TEK: variants seen among roughly 807,000 people sequenced by gnomAD.
TEK encodes TEK receptor tyrosine kinase, also known as angiopoietin-1 receptor.
TEK carries 43 observed loss-of-function variants against 131.8 expected under a neutral mutation model. That is an observed-to-expected ratio of 0.33 (90% CI 0.26 to 0.42). TEK has a LOEUF of 0.42. Ranked by LOEUF, TEK falls within the 10% of genes least tolerant of loss-of-function variation. TEK has a pLI of 1.00. For synonymous variants in TEK, 580 were observed against 491.6 expected (o/e 1.18, Z -2.38); for missense variants, 1,162 against 1,384.4 (o/e 0.84, Z 2.55).
At chr9:27,146,511 T>C (rs1164884012) in intron 1 of TEK, among the ~76,000 whole-genome samples, 1 of 152,174 alleles carries the variant, frequency 6.6e-6, no homozygotes, top group East Asian at 1.9e-4. Flanking sequence ...GAATGTCATA[T>C]AAATGCAGTC....
rs554894296 is a variant in TEK at position 27,216,548 on chromosome 9, G to GTGTGGA, written c.2992-1133_2992-1128dup. 3.5e-4 allele frequency among the ~76,000 whole-genome samples: 53 copies of GTGTGGA among 151,988 alleles called. 1 individual carries two copies. In the South Asian group the frequency reaches 0.011, roughly 30 times the overall value. The stretch of plus-strand genomic sequence containing the variant: ...TGTGGACAGAGAGTGAAGGGAGGAG[G>GTGTGGA]TGTGGATGTGGAGGAGAACAATAAA... On this transcript the variant is annotated intron_variant, in intron 18 of 22. Coordinates refer to ENST00000380036, the MANE Select transcript of TEK (RefSeq NM_000459.5).
intron 1 of TEK, among the ~76,000 whole-genome samples, chr9:27,134,101 G>A (rs1015193051): frequency 1.3e-5 from 2 of 152,196 alleles, no homozygotes; most frequent in Admixed American, 6.5e-5. Context: ...TGCTTAGATC[G>A]AAGGTTTGAG....
Position 27,229,506 on chromosome 9 carries a change from C to G in TEK, c.*274C>G, listed in dbSNP as rs550266700. 10 of 473,688 alleles carry G rather than the reference C, an allele frequency of 2.1e-5. No homozygotes were observed. Among genetic ancestry groups the G allele is most frequent in the Non-Finnish European group, 3.5e-5 (9 of 260,398 alleles). 29.3% of individuals were successfully genotyped at this position (473,688 alleles called of 1,614,324 possible). On this transcript the variant is annotated 3_prime_UTR_variant, in exon 23 of 23. Coordinates refer to ENST00000380036, the MANE Select transcript of TEK (RefSeq NM_000459.5). ...TAATATATTTTTTTAAAAATGTGGACTTCATAGGAAGGCGTGAGTACAATT... is the reference window on the plus strand; with the variant it reads ...TAATATATTTTTTTAAAAATGTGGAGTTCATAGGAAGGCGTGAGTACAATT...
chr9:27,217,900 G>C (rs551938025), intron 19 of TEK, 142 bp downstream of exon 19: 2 of 795,324 alleles, frequency 2.5e-6, no homozygotes. Context: ...TAAATTAGCA[G>C]AATAAAGCCA....
chr9:27,173,475 A>G, intron 6 of TEK, 113 bp downstream of exon 6: 2 of 1,291,254 alleles, frequency 1.5e-6, no homozygotes, highest in Non-Finnish European at 1.1e-6. Context: ...GCTACCCACT[A>G]CTGGACAACA....
intron 1 of TEK, among the ~76,000 whole-genome samples, chr9:27,133,753 C>A (rs1822313757): frequency 6.6e-6 from 1 of 152,112 alleles, no homozygotes; most frequent in African/African-American, 2.4e-5. Context: ...GGATCTTTAC[C>A]CCTATTTTAC....
intron 15 of TEK, 102 bp downstream of exon 15, chr9:27,206,894 G>T (rs1825419321): frequency 1.5e-6 from 2 of 1,313,208 alleles, no homozygotes; most frequent in East Asian, 2.5e-5. Context: ...AATTGGCATG[G>T]TATCAGACAT....
Position 27,117,037 on chromosome 9 carries a change from T to A in TEK, c.52+7395T>A, listed in dbSNP as rs577078240. On this transcript the variant is annotated intron_variant, in intron 1 of 22. Coordinates refer to ENST00000380036, the MANE Select transcript of TEK (RefSeq NM_000459.5). ...CCACCACGCCCAGCTAATTTTTTTT[T>A]TTAATTTTTAGTAGAGACGTGGTTT... 2.3e-3 allele frequency among the ~76,000 whole-genome samples: 354 copies of A among 151,926 alleles called. 1 individual carries two copies. Among genetic ancestry groups the A allele is most frequent in the Non-Finnish European group, 2.4e-3 (166 of 67,948 alleles).
intron 1 of TEK, among the ~76,000 whole-genome samples, chr9:27,131,564 T>C (rs1822222981): frequency 6.6e-6 from 1 of 151,168 alleles, no homozygotes; most frequent in Non-Finnish European, 1.5e-5. Flanking sequence ...AGCTCATGCC[T>C]GTAATCCCCG....
chr9:27,126,648 G>A (rs1822001150), intron 1 of TEK, among the ~76,000 whole-genome samples: 1 of 152,210 alleles, frequency 6.6e-6, no homozygotes. Context: ...GCACAGACCA[G>A]AGAGAAACTG....
chr9:27,161,111 C>T (rs1025255750), intron 2 of TEK, among the ~76,000 whole-genome samples: 2 of 152,172 alleles, frequency 1.3e-5, no homozygotes, highest in East Asian at 3.8e-4. Context: ...TGGACCAGAA[C>T]ATTGGGAGTT....
chr9:27,221,988 G>A (rs139424324), intron 21 of TEK, among the ~76,000 whole-genome samples: 357 of 152,188 alleles, frequency 2.3e-3, no homozygotes, highest in Non-Finnish European at 4.4e-3. Context: ...AGCTAAGAAC[G>A]TTGAAAAAAG....
At chr9:27,152,451 C>T (rs1823162519) in intron 1 of TEK, among the ~76,000 whole-genome samples, 2 of 151,218 alleles carry the variant, frequency 1.3e-5, no homozygotes, top group South Asian at 4.2e-4. Flanking sequence ...GCATGTTGTG[C>T]TGCAGTGGAG....
intron 12 of TEK, among the ~76,000 whole-genome samples, chr9:27,198,090 T>A (rs1587002235): frequency 2.0e-5 from 3 of 152,364 alleles, no homozygotes; most frequent in South Asian, 2.1e-4. Context: ...TTCAGGCTTC[T>A]CAATTTCAGA....
chr9:27,164,937 C>G (rs1398008401), intron 2 of TEK, among the ~76,000 whole-genome samples: 2 of 152,176 alleles, frequency 1.3e-5, no homozygotes, highest in Non-Finnish European at 2.9e-5. Context: ...AGTCACATAA[C>G]ATCAATATAT....
intron 9 of TEK, among the ~76,000 whole-genome samples, chr9:27,188,232 C>T (rs1824672081): frequency 6.6e-6 from 1 of 152,158 alleles, no homozygotes; most frequent in Non-Finnish European, 1.5e-5. Flanking sequence ...ACACAGGTGC[C>T]TTCTGGAGGG....
At chr9:27,117,645 C>G (rs866669387) in intron 1 of TEK, among the ~76,000 whole-genome samples, 2 of 152,132 alleles carry the variant, frequency 1.3e-5, no homozygotes, top group South Asian at 2.1e-4. Flanking sequence ...ATACCCATTG[C>G]TTGGTGGTTT....
At chr9:27,177,079 T>C (rs541869045) in intron 6 of TEK, among the ~76,000 whole-genome samples, 45 of 152,316 alleles carry the variant, frequency 3.0e-4, no homozygotes, top group Middle Eastern at 3.4e-3. Flanking sequence ...ACATTTTCTT[T>C]ATCCATTCAT....
intron 2 of TEK, among the ~76,000 whole-genome samples, chr9:27,162,779 G>A (rs893122887): frequency 2.0e-5 from 3 of 151,736 alleles, no homozygotes; most frequent in Non-Finnish European, 4.4e-5. Context: ...GCAGTGGCGC[G>A]ATCTCGGCTC....
Sources: gnomAD v4.1 joint callset for allele counts (sites outside exome capture counted in the v4.1 genomes callset) on GRCh38, gnomAD v4.1.1 for gene constraint, MANE v1.5 for transcripts, NCBI Gene and HGNC (gene_info 2026-07-23, HGNC 2026-07-21) for gene names.